Variants in COL24A1 observed in about 807,000 individuals in gnomAD.
COL24A1 encodes the protein collagen alpha-1(XXIV) chain.
Under a neutral mutation model 253.9 loss-of-function variants are expected in COL24A1, and 224 were observed. The ratio of observed to expected loss-of-function variants is 0.88; its 90% CI spans 0.79 to 0.99. The LOEUF is 0.99. COL24A1 is among the 50% of genes least tolerant of loss of function. COL24A1 has a pLI of 0.00. For synonymous variants in COL24A1, 685 were observed against 673.7 expected, an observed-to-expected ratio of 1.02 and a Z score of -0.26; for missense variants, 2,131 against 2,068.5, an observed-to-expected ratio of 1.03 and a Z score of -0.59.
Position 86,033,878 on chromosome 1 carries a change from C to T in COL24A1, c.1996G>A (p.Gly666Ser). 6.2e-7 allele frequency: 1 copy of T among 1,602,374 alleles called. No homozygotes were observed. Among genetic ancestry groups the T allele is most frequent in the African/African-American group, 1.3e-5 (1 of 74,358 alleles). The change falls in exon 13 of 60, where the codon GGC becomes AGC. Residue 666 changes from glycine to serine, a missense_variant. Coordinates refer to ENST00000370571, the MANE Select transcript of COL24A1 (RefSeq NM_152890.7). ...CAACATAATGTACTCACAGGACTGC[C>T]ATCAAGACCAGCAGGGCCTCTGTCT... Reference protein sequence around the residue: ...FGDRGPAGLDGSPGLVGGTGP... With the variant: ...FGDRGPAGLDSSPGLVGGTGP...
intron 43 of COL24A1, among the ~76,000 whole-genome samples, chr1:85,831,613 T>C (rs989118755): frequency 1.3e-5 from 2 of 152,108 alleles, no homozygotes; most frequent in Admixed American, 1.3e-4. Flanking sequence ...TGGAAAGTGA[T>C]GGAACTTGTC....
At chr1:85,861,796 T>G (rs774251357) in intron 37 of COL24A1, among the ~76,000 whole-genome samples, 4 of 152,236 alleles carry the variant, frequency 2.6e-5, no homozygotes, top group Non-Finnish European at 4.4e-5. Context: ...TATCATAGCT[T>G]AAAAAGTCCT....
chr1:85,740,319 C>T (rs2389974), intron 57 of COL24A1, among the ~76,000 whole-genome samples: 136,939 of 152,202 alleles, frequency 0.9, 62,349 homozygotes, highest in Non-Finnish European at 0.97. Context: ...TATTCATTCG[C>T]TCTTATCCTC....
At chr1:86,060,218 T>C (rs1336467405) in intron 8 of COL24A1, among the ~76,000 whole-genome samples, 4 of 152,164 alleles carry the variant, frequency 2.6e-5, no homozygotes, top group Non-Finnish European at 5.9e-5. Context: ...TTTTCATTGA[T>C]ACATCATTCA....
chr1:86,122,421 C>A (rs1647511623), intron 3 of COL24A1, among the ~76,000 whole-genome samples: 1 of 151,966 alleles, frequency 6.6e-6, no homozygotes, highest in Non-Finnish European at 1.5e-5. Context: ...GAAAATCTAT[C>A]CAACTCTATA....
At chr1:85,830,277 C>T (rs996820555) in intron 43 of COL24A1, among the ~76,000 whole-genome samples, 10 of 151,974 alleles carry the variant, frequency 6.6e-5, no homozygotes, top group African/African-American at 1.7e-4. Context: ...GCAGTCTGCC[C>T]GTTCTCAGAT....
chr1:85,913,487 A>G (rs575010129), intron 24 of COL24A1, among the ~76,000 whole-genome samples: 4 of 152,290 alleles, frequency 2.6e-5, no homozygotes, highest in Admixed American at 1.3e-4. Context: ...GTTTCTGCCC[A>G]TGCTCTGCTG....
intron 24 of COL24A1, among the ~76,000 whole-genome samples, chr1:85,948,351 C>T (rs1157365878): frequency 2.7e-5 from 4 of 150,926 alleles, no homozygotes; most frequent in Admixed American, 2.0e-4. Flanking sequence ...GGTGAAACCC[C>T]GTCTCTACTA....
rs1389573849 is a variant in COL24A1 at position 85,964,036 on chromosome 1, A to ACTT, written c.2517+970_2517+972dup. On this transcript the variant is annotated intron_variant, in intron 23 of 59. Transcript: ENST00000370571. ...CATACATACTGATATATTAAAACAT[A>ACTT]CTTCAGCTCATATTTCTTTATCAAG... Among the ~76,000 whole-genome samples the ACTT allele has an allele frequency of 3.3e-5, 5 of 152,228 alleles. No individual in the cohort carries two copies. In the East Asian group the frequency reaches 7.7e-4, roughly 24 times the overall value.
chr1:85,886,015 AG>A lies in COL24A1; in HGVS notation c.2976+3544del, dbSNP rs371677731. 2.2e-3 allele frequency among the ~76,000 whole-genome samples: 328 copies of A among 150,452 alleles called. 10 individuals carry two copies. In the South Asian group the frequency reaches 0.052, roughly 24 times the overall value. Reference sequence around the variant, plus strand: ...ACATTATGATTTTTAAATCTTTTTTAGGGGGGAGACTGGATTCAGCTAGAAG... The same window carrying A: ...ACATTATGATTTTTAAATCTTTTTTAGGGGGAGACTGGATTCAGCTAGAAG... On this transcript the variant is annotated intron_variant, in intron 32 of 59. Transcript: ENST00000370571.
chr1:86,041,223 G>A (rs1281516314), intron 12 of COL24A1, among the ~76,000 whole-genome samples: 1 of 152,114 alleles, frequency 6.6e-6, no homozygotes, highest in East Asian at 1.9e-4. Context: ...AGAAAACTAA[G>A]TACAGTTTTG....
chr1:86,090,722 T>C (rs796323486), intron 6 of COL24A1, among the ~76,000 whole-genome samples: 1 of 152,298 alleles, frequency 6.6e-6, no homozygotes, highest in African/African-American at 2.4e-5. Flanking sequence ...ATTTTAGGAA[T>C]ACCTCTATTA....
In COL24A1 at chr1:86,041,601, T is replaced by A. The variant is rs560172254; in HGVS notation, c.1950+5224A>T. 1.3e-4 allele frequency among the ~76,000 whole-genome samples: 20 copies of A among 152,258 alleles called. No individual in the cohort carries two copies. In the East Asian group the frequency reaches 3.7e-3, roughly 28 times the overall value. Reference sequence around the variant, plus strand: ...AAAAAGGAAGCTACTTGGAGTGAGGTATAAGAAATCTAAAGTTATCAAATA... The same window carrying A: ...AAAAAGGAAGCTACTTGGAGTGAGGAATAAGAAATCTAAAGTTATCAAATA... On this transcript the variant is annotated intron_variant, in intron 12 of 59. Transcript: ENST00000370571.
intron 7 of COL24A1, among the ~76,000 whole-genome samples, chr1:86,074,722 G>T (rs866601320): frequency 6.6e-6 from 1 of 152,128 alleles, no homozygotes; most frequent in Non-Finnish European, 1.5e-5. Context: ...ACACTCCTCA[G>T]CAAATGCAAA....
chr1:86,123,240 C>G (rs886431881), intron 3 of COL24A1, among the ~76,000 whole-genome samples: 2 of 151,818 alleles, frequency 1.3e-5, no homozygotes, highest in Non-Finnish European at 2.9e-5. Flanking sequence ...AAAATCTTAC[C>G]CATTCTTAGA....
rs942548810 is a variant in COL24A1, at chr1:85,818,150, A to G, written c.3790-63T>C. On this transcript the variant is annotated intron_variant, in intron 45 of 59. Transcript: ENST00000370571. ...AATCTTACTTAAACTGAAGCCATAG[A>G]AAAGGACACTGAGACCTGGACGCTG... 5 of 1,329,820 alleles carry G rather than the reference A, an allele frequency of 3.8e-6. No individual in the cohort carries two copies. The African/African-American group carries it at 7.3e-5, about 19-fold the overall frequency. 82.4% of individuals were successfully genotyped at this position (1,329,820 alleles called of 1,614,324 possible). A position where few individuals can be genotyped will look rare whatever the true frequency, so the allele number is the denominator to read the frequency against.
intron 59 of COL24A1, among the ~76,000 whole-genome samples, chr1:85,732,300 G>A (rs1663572660): frequency 6.6e-6 from 1 of 151,542 alleles, no homozygotes; most frequent in African/African-American, 2.4e-5. Context: ...TGCAATCTAG[G>A]CTCACTGCAA....
chr1:85,850,506 A>C (rs1296833396), intron 37 of COL24A1, among the ~76,000 whole-genome samples: 1 of 152,164 alleles, frequency 6.6e-6, no homozygotes, highest in Non-Finnish European at 1.5e-5. Flanking sequence ...GTTGTGCTCT[A>C]TTGCTGTAGT....
intron 19 of COL24A1, among the ~76,000 whole-genome samples, chr1:86,001,429 A>G (rs17128656): frequency 6.6e-6 from 1 of 152,196 alleles, no homozygotes; most frequent in Non-Finnish European, 1.5e-5. Context: ...GTAGATGACC[A>G]TTTGCATGGT....
Sources: allele counts gnomAD v4.1 joint callset (sites outside exome capture counted in the v4.1 genomes callset), GRCh38; gene constraint gnomAD v4.1.1; transcripts MANE v1.5; gene names NCBI Gene and HGNC (gene_info 2026-07-23, HGNC 2026-07-21).